The following DTWD1 variants were observed in gnomAD, a reference collection of about 807,000 sequenced individuals.
DTWD1 encodes the protein DTW motif tRNA-uridine aminocarboxypropyltransferase 1.
A neutral mutation model predicts 30.2 loss-of-function variants in DTWD1; 27 were observed. That is an observed-to-expected ratio of 0.90 (90% CI 0.66 to 1.23). The LOEUF is 1.23. DTWD1 is among the 50% of genes most tolerant of loss of function. DTWD1 has a pLI of 0.00. For synonymous variants in DTWD1, 99 were observed against 113.1 expected (o/e 0.88, Z 0.79); for missense variants, 342 against 348.8 (o/e 0.98, Z 0.15).
rs1598680515 is a variant in DTWD1 at position 49,654,176 on chromosome 15, T to C, written c.*10598T>C. 1 of 152,140 alleles carries C rather than the reference T, an allele frequency of 6.6e-6. No homozygotes were observed. Among genetic ancestry groups the C allele is most frequent in the East Asian group, 1.9e-4 (1 of 5,164 alleles). 9.4% of individuals were successfully genotyped at this position (152,140 alleles called of 1,614,324 possible). ...AAACAGTAACTGAGGAAGTTTATTG[T>C]ATCTGGACATGGTTTAGATGATAAG... On this transcript the variant is annotated 3_prime_UTR_variant, in exon 5 of 5. Coordinates refer to ENST00000403028, the MANE Select transcript of DTWD1 (RefSeq NM_001144955.2).
rs1299833007 is a variant in DTWD1 at position 49,655,719 on chromosome 15, C to G, written c.*12141C>G. The G allele has an allele frequency of 6.6e-6, 1 of 152,012 alleles. No homozygotes were observed. The highest frequency in any genetic ancestry group is 1.9e-4 in the East Asian group (1 of 5,166). 9.4% of individuals were successfully genotyped at this position (152,012 alleles called of 1,614,324 possible). ...CTTTGATTTTATTATCACTCTGGGA[C>G]CACGTTTTACTGTTGGCACGTTCGG... On this transcript the variant is annotated 3_prime_UTR_variant, in exon 5 of 5. Coordinates refer to ENST00000403028, the MANE Select transcript of DTWD1 (RefSeq NM_001144955.2).
Position 49,632,412 on chromosome 15 carries a change from G to A in DTWD1, c.408+110G>A, listed in dbSNP as rs1598651634. 6.6e-6 allele frequency: 7 copies of A among 1,057,936 alleles called. No homozygotes were observed. The East Asian group carries it at 1.6e-4, about 24-fold the overall frequency. 65.5% of individuals were successfully genotyped at this position (1,057,936 alleles called of 1,614,324 possible). On this transcript the variant is annotated intron_variant, in intron 3 of 4. Transcript: ENST00000403028. Reference sequence around the variant, plus strand: ...ATAATTTAATATTTTTCTTAGTAAAGTATTATGCTCAGGTAATGTTAGACA... The same window carrying A: ...ATAATTTAATATTTTTCTTAGTAAAATATTATGCTCAGGTAATGTTAGACA...
chr15:49,621,258 T>C (rs1163492206), intron 1 of DTWD1, 136 bp downstream of exon 1: 1 of 152,152 alleles, frequency 6.6e-6, no homozygotes, highest in Admixed American at 6.5e-5. Flanking sequence ...GGGTGTCGCC[T>C]GTGAGGGGGA....
intron 4 of DTWD1, among the ~76,000 whole-genome samples, chr15:49,639,026 T>G (rs1003947270): frequency 6.6e-6 from 1 of 152,182 alleles, no homozygotes; most frequent in Non-Finnish European, 1.5e-5. Flanking sequence ...CTCTTTCCCT[T>G]CAGTTTGACT....
chr15:49,632,094 C>T lies in DTWD1; in HGVS notation c.265-65C>T, dbSNP rs115840163. On this transcript the variant is annotated intron_variant, in intron 2 of 4. Transcript: ENST00000403028. ...AGCTTCCTATTTAGCTTTAAAGACC[C>T]TTTTTATTAACATAAAAATTAAAAT... The T allele has an allele frequency of 1.6e-3, 2,210 of 1,354,556 alleles. 32 individuals carry two copies. In the African/African-American group the frequency reaches 0.03, roughly 18 times the overall value. 83.9% of individuals were successfully genotyped at this position (1,354,556 alleles called of 1,614,324 possible).
chr15:49,625,345 A>G lies in DTWD1; in HGVS notation c.178A>G (p.Lys60Glu), dbSNP rs1567733590. 1 of 1,613,746 alleles carries G rather than the reference A, an allele frequency of 6.2e-7. No homozygotes were observed. The highest frequency in any genetic ancestry group is 8.5e-7 in the Non-Finnish European group (1 of 1,179,814). Reference protein sequence around the residue: ...AQQSGRSKCLKCGGSRMFYCY... With the variant: ...AQQSGRSKCLECGGSRMFYCY... ...GCAAAGTGGGAGATCAAAATGTCTC[A>G]AATGTGGTGGTTCCAGAATGTTCTA... Residue 60 changes from lysine (K) to glutamate (E), a missense_variant, in exon 2 of 5, where the codon AAA becomes GAA. Lys to Glu is a moderately conservative substitution (Grantham distance 56). Coordinates refer to ENST00000403028, the MANE Select transcript of DTWD1 (RefSeq NM_001144955.2).
In DTWD1 at chr15:49,625,444, TTTAA is replaced by T; in HGVS notation, c.264+16_264+19del. The T allele has an allele frequency of 1.2e-6, 2 of 1,600,146 alleles. No individual in the cohort carries two copies. The highest frequency in any genetic ancestry group is 1.7e-6 in the Non-Finnish European group (2 of 1,172,644). ...TCCACTTGTGAAGGTTAGTAAGAAA[TTTAA>T]TTGTTTGAAAGTATGAAAATAGATT... On this transcript the variant is annotated intron_variant, in intron 2 of 4. Transcript: ENST00000403028.
intron 4 of DTWD1, among the ~76,000 whole-genome samples, chr15:49,636,902 A>C (rs187958580): frequency 6.6e-6 from 1 of 152,136 alleles, no homozygotes; most frequent in Non-Finnish European, 1.5e-5. Flanking sequence ...TCTCTCCATT[A>C]TAAAGGTTTA....
intron 2 of DTWD1, chr15:49,630,927 A>G (rs113710192): frequency 2.4e-6 from 1 of 410,394 alleles, no homozygotes; most frequent in East Asian, 8.2e-5. Context: ...AACTGTGCAT[A>G]CAAGGGACCT....
Position 49,652,914 on chromosome 15 carries a change from A to G in DTWD1, c.*9336A>G, listed in dbSNP as rs1188375239. On this transcript the variant is annotated 3_prime_UTR_variant, in exon 5 of 5. Coordinates refer to ENST00000403028, the MANE Select transcript of DTWD1 (RefSeq NM_001144955.2). The stretch of plus-strand genomic sequence containing the variant: ...GCAGAAGGACACTGTGCTTGAGGTC[A>G]TACCCTTCCCATGTCTGGTGACTGA... 6.6e-6 allele frequency: 1 copy of G among 152,160 alleles called. No individual in the cohort carries two copies. Among genetic ancestry groups the G allele is most frequent in the African/African-American group, 2.4e-5 (1 of 41,454 alleles). The allele number at this position is 152,160 out of a possible 1,614,324, so 9.4% of individuals were successfully genotyped here. A position where few individuals can be genotyped will look rare whatever the true frequency, so the allele number is the denominator to read the frequency against.
rs559800162 is a variant in DTWD1 at position 49,622,045 on chromosome 15, G to A, written c.-56+923G>A. ...TTGGAGAAAAAAAAATTGCCAGCCT[G>A]CCACTTGTGCTAGGCTGCAGACGGC... is the stretch of plus-strand genomic sequence containing the variant. On this transcript the variant is annotated intron_variant, in intron 1 of 4. Coordinates refer to ENST00000403028, the MANE Select transcript of DTWD1 (RefSeq NM_001144955.2). Among the ~76,000 whole-genome samples, 872 of 152,258 alleles carry A rather than the reference G, an allele frequency of 5.7e-3. 5 individuals carry two copies. Among genetic ancestry groups the A allele is most frequent in the Non-Finnish European group, 7.2e-3 (492 of 68,018 alleles).
intron 4 of DTWD1, among the ~76,000 whole-genome samples, chr15:49,640,870 G>C (rs1032588626): frequency 2.0e-5 from 3 of 151,560 alleles, no homozygotes; most frequent in African/African-American, 7.3e-5. Context: ...TTTCTTTTGA[G>C]GAAAAAAAAC....
chr15:49,628,754 A>G (rs1484797741), intron 2 of DTWD1, among the ~76,000 whole-genome samples: 2 of 147,544 alleles, frequency 1.4e-5, no homozygotes, highest in African/African-American at 2.5e-5. Flanking sequence ...GGTCAACACT[A>G]TTTTTTTTTT....
chr15:49,635,093 G>A (rs552884503), intron 4 of DTWD1, among the ~76,000 whole-genome samples: 1 of 152,112 alleles, frequency 6.6e-6, no homozygotes, highest in Non-Finnish European at 1.5e-5. Context: ...GGAGTGCAAT[G>A]GCACAATCTT....
In DTWD1 at chr15:49,643,400, C is replaced by G. The variant is rs2079090280; in HGVS notation, c.737C>G (p.Thr246Ser). 6.4e-7 allele frequency: 1 copy of G among 1,555,080 alleles called. No individual in the cohort carries two copies. Among genetic ancestry groups the G allele is most frequent in the Non-Finnish European group, 8.7e-7 (1 of 1,150,202 alleles). Residue 246 changes from threonine to serine, a missense_variant, in exon 5 of 5, where the codon ACT becomes AGT. Coordinates refer to ENST00000403028, the MANE Select transcript of DTWD1 (RefSeq NM_001144955.2). ...CGCCATCAAAAAGGAAAGCCAGATACTTTCCTTTCTACAATTGAAGCCATT... is the reference window on the plus strand; with the variant it reads ...CGCCATCAAAAAGGAAAGCCAGATAGTTTCCTTTCTACAATTGAAGCCATT... ...FWRHQKGKPDTFLSTIEAIYY... is the reference protein window; with the variant it reads ...FWRHQKGKPDSFLSTIEAIYY...
In DTWD1 at chr15:49,632,230, ACT is replaced by A. The variant is rs2078931340; in HGVS notation, c.339_340del (p.Leu114SerfsTer3). 1 of 1,600,654 alleles carries A rather than the reference ACT, an allele frequency of 6.2e-7. No homozygotes were observed. Among genetic ancestry groups the A allele is most frequent in the Non-Finnish European group, 8.5e-7 (1 of 1,176,758 alleles). On this transcript the variant is annotated frameshift_variant, in exon 3 of 5. Transcript: ENST00000403028. LOFTEE classifies it high-confidence loss of function. ...GCAAAAGTACTGCTATACATGCAAA[ACT>A]CTTAGCACCTGAATTTGTAAACATT... ...DGKSTAIHAK[L>X]LAPEFVNIYT... is the part of the protein sequence containing the mutation.
At chr15:49,626,893 G>T in intron 2 of DTWD1, 1 of 319,142 alleles carries the variant, frequency 3.1e-6, no homozygotes, top group Admixed American at 3.3e-5. Flanking sequence ...AGAACTTGAG[G>T]GTAATAATTA....
Position 49,654,334 on chromosome 15 carries a change from C to T in DTWD1, c.*10756C>T, listed in dbSNP as rs995838308. The T allele has an allele frequency of 6.6e-6, 1 of 152,086 alleles. No homozygotes were observed. Among genetic ancestry groups the T allele is most frequent in the Non-Finnish European group, 1.5e-5 (1 of 68,024 alleles). 9.4% of individuals were successfully genotyped at this position (152,086 alleles called of 1,614,324 possible). A position where few individuals can be genotyped will look rare whatever the true frequency, so the allele number is the denominator to read the frequency against. On this transcript the variant is annotated 3_prime_UTR_variant, in exon 5 of 5. Coordinates refer to ENST00000403028, the MANE Select transcript of DTWD1 (RefSeq NM_001144955.2). Reference sequence around the variant, plus strand: ...ATAGTTTTTGAAGATGTCCCTCAAACAATTCCTTCCCTTCCTTGGACTCCT... The same window carrying T: ...ATAGTTTTTGAAGATGTCCCTCAAATAATTCCTTCCCTTCCTTGGACTCCT...
chr15:49,622,471 G>A (rs1182773159), intron 1 of DTWD1, among the ~76,000 whole-genome samples: 1 of 151,998 alleles, frequency 6.6e-6, no homozygotes, highest in Non-Finnish European at 1.5e-5. Flanking sequence ...GGTAGAAGGA[G>A]GAATAAAAAA....
Sources: allele counts gnomAD v4.1 joint callset (sites outside exome capture counted in the v4.1 genomes callset), GRCh38; gene constraint gnomAD v4.1.1; transcripts MANE v1.5; gene names NCBI Gene and HGNC (gene_info 2026-07-23, HGNC 2026-07-21).